PPM1G: variants seen among roughly 807,000 people sequenced by gnomAD.
PPM1G encodes protein phosphatase 1G.
PPM1G carries 12 observed loss-of-function variants against 59.4 expected under a neutral mutation model. The observed-to-expected ratio is 0.20, with a 90% CI of 0.13 to 0.33. PPM1G has a LOEUF of 0.33. Among genes scored for constraint, PPM1G ranks in the 10% least tolerant of loss-of-function variants. PPM1G has a pLI of 1.00. For missense variants in PPM1G, 392 were observed against 681.3 expected (o/e 0.58, Z 4.73); for synonymous variants, 245 against 251.9 (o/e 0.97, Z 0.26).
intron 1 of PPM1G, among the ~76,000 whole-genome samples, chr2:27,409,005 G>A (rs1017667654): frequency 4.6e-5 from 7 of 152,212 alleles, no homozygotes; most frequent in Non-Finnish European, 1.0e-4. Context: ...GAGCCTGGAG[G>A]GCTAGGTTGG....
intron 1 of PPM1G, among the ~76,000 whole-genome samples, chr2:27,402,849 T>TAAATA (rs1231363270): frequency 6.7e-5 from 7 of 104,752 alleles, no homozygotes; most frequent in East Asian, 4.3e-4. Flanking sequence ...AATAAATAAA[T>TAAATA]AAATAAAATA....
intron 1 of PPM1G, chr2:27,392,744 G>A: frequency 6.7e-6 from 8 of 1,193,124 alleles, no homozygotes; most frequent in South Asian, 4.8e-5. Context: ...TTGGTGACAA[G>A]GTAAGTCACC....
At chr2:27,386,467 A>G (rs552784431) in intron 2 of PPM1G, 188 bp from the exon 3 acceptor site, 115 of 455,238 alleles carry the variant, frequency 2.5e-4, no homozygotes, top group Non-Finnish European at 4.0e-4. Flanking sequence ...TTCACCATCA[A>G]TTCTCTCGGG....
rs1306134014 is a variant in PPM1G at position 27,384,431 on chromosome 2, G to C, written c.825+242C>G. Among the ~76,000 whole-genome samples the C allele has an allele frequency of 6.6e-6, 1 of 152,196 alleles. No homozygotes were observed. Among genetic ancestry groups the C allele is most frequent in the African/African-American group, 2.4e-5 (1 of 41,446 alleles). Reference sequence around the variant, plus strand: ...CTATCTCCTTGTTCTCTCTCTAGGAGACAGACTCTGAAAAGCCAGAACTAG... The same window carrying C: ...CTATCTCCTTGTTCTCTCTCTAGGACACAGACTCTGAAAAGCCAGAACTAG... On this transcript the variant is annotated intron_variant, in intron 5 of 9. Transcript: ENST00000344034. This position sits in a 1 kb window ranked among gnomAD's most constrained non-coding sequence, Gnocchi z 4.8.
intron 3 of PPM1G, 58 bp downstream of exon 3, chr2:27,386,136 C>T: frequency 6.7e-7 from 1 of 1,487,800 alleles, no homozygotes; most frequent in Non-Finnish European, 9.4e-7. Flanking sequence ...AGCCCAAGGG[C>T]TAGAGAACAA....
chr2:27,392,324 TCTCC>T (rs1683929018), intron 1 of PPM1G, among the ~76,000 whole-genome samples: 2 of 144,746 alleles, frequency 1.4e-5, no homozygotes, highest in Non-Finnish European at 3.0e-5. Context: ...AGAGAGAATG[TCTCC>T]CTGTCACCCA....
intron 1 of PPM1G, among the ~76,000 whole-genome samples, chr2:27,392,407 G>A (rs1276140548): frequency 6.7e-6 from 1 of 148,154 alleles, no homozygotes; most frequent in Non-Finnish European, 1.5e-5. Context: ...TGATTCTCAT[G>A]CCTCAGCCTC....
intron 2 of PPM1G, 23 bp downstream of exon 2, chr2:27,387,065 AC>A: frequency 6.4e-7 from 1 of 1,574,744 alleles, no homozygotes; most frequent in Non-Finnish European, 8.7e-7. Context: ...CTAGAATGTT[AC>A]CAATATGATC....
chr2:27,393,569 G>A (rs962625126), intron 1 of PPM1G, among the ~76,000 whole-genome samples: 2 of 152,134 alleles, frequency 1.3e-5, no homozygotes, highest in Non-Finnish European at 2.9e-5. Context: ...TCTCGGCGAA[G>A]AACGTCTCAA....
chr2:27,399,095 G>A (rs1448556218), intron 1 of PPM1G, among the ~76,000 whole-genome samples: 1 of 151,712 alleles, frequency 6.6e-6, no homozygotes, highest in Non-Finnish European at 1.5e-5. Flanking sequence ...AACCAAGATC[G>A]CGCCACTCCA....
intron 1 of PPM1G, among the ~76,000 whole-genome samples, chr2:27,409,042 G>A (rs1472361720): frequency 6.6e-6 from 1 of 152,236 alleles, no homozygotes; most frequent in African/African-American, 2.4e-5. Flanking sequence ...CAAAGCTCGG[G>A]GAGAGGGCGG....
At position 27,381,543 on chromosome 2, in the gene PPM1G, TCTCAGGTCCGGAGGG is replaced by T. The variant is rs1363123119; in HGVS notation, c.*41_*55del. 5.0e-6 allele frequency: 8 copies of T among 1,599,036 alleles called. No individual in the cohort carries two copies. The highest frequency in any genetic ancestry group is 6.0e-6 in the Non-Finnish European group (7 of 1,166,942). On this transcript the variant is annotated 3_prime_UTR_variant, in exon 10 of 10. Transcript: ENST00000344034. ...GCTAAAGGAAAAAGACAAAACTCAG[TCTCAGGTCCGGAGGG>T]CTCAGAAAACAGTCTAGGTGGGCAG...
chr2:27,386,992 G>T, intron 2 of PPM1G, 97 bp downstream of exon 2: 1 of 948,682 alleles, frequency 1.1e-6, no homozygotes, highest in Non-Finnish European at 1.7e-6. Context: ...ATGAGGGCCA[G>T]ACCCTGGAAA....
intron 1 of PPM1G, among the ~76,000 whole-genome samples, chr2:27,400,428 A>C (rs1031371212): frequency 6.6e-6 from 1 of 151,720 alleles, no homozygotes; most frequent in Non-Finnish European, 1.5e-5. Context: ...AAATTAAAAA[A>C]TTATGCTTAG....
In PPM1G at chr2:27,408,795, C is replaced by T. The variant is rs576466258; in HGVS notation, c.120+508G>A. ...TAACATGCAAGAGCCCAAGGCCAGG[C>T]AACCAAAATGTGAAACAGACTCTGC... On this transcript the variant is annotated intron_variant, in intron 1 of 9. Transcript: ENST00000344034. Among the ~76,000 whole-genome samples, 3 of 152,306 alleles carry T rather than the reference C, an allele frequency of 2.0e-5. No individual in the cohort carries two copies. In the South Asian group the frequency reaches 6.2e-4, roughly 32 times the overall value.
At chr2:27,400,469 T>C (rs1285851037) in intron 1 of PPM1G, among the ~76,000 whole-genome samples, 3 of 150,958 alleles carry the variant, frequency 2.0e-5, no homozygotes, top group Non-Finnish European at 4.4e-5. Flanking sequence ...CTGAAAAATA[T>C]CAGGCTGGGT....
chr2:27,392,854 G>A (rs1484530107), intron 1 of PPM1G: 4 of 1,470,006 alleles, frequency 2.7e-6, no homozygotes, highest in African/African-American at 1.4e-5. Context: ...AGATTCGGGC[G>A]CTCCCATCTC....
At chr2:27,396,182 C>G (rs1083864) in intron 1 of PPM1G, among the ~76,000 whole-genome samples, 82,413 of 151,714 alleles carry the variant, frequency 0.54, 24,987 homozygotes, top group African/African-American at 0.82. Flanking sequence ...CGAGGCAGGA[C>G]AATCACTTGA....
At chr2:27,392,415 C>G (rs1338676316) in intron 1 of PPM1G, among the ~76,000 whole-genome samples, 1 of 151,534 alleles carries the variant, frequency 6.6e-6, no homozygotes, top group Non-Finnish European at 1.5e-5. Context: ...ATGCCTCAGC[C>G]TCCCAAGTAG....
Sources: allele counts gnomAD v4.1 joint callset (sites outside exome capture counted in the v4.1 genomes callset), GRCh38; gene constraint gnomAD v4.1.1; non-coding constraint Gnocchi (gnomAD v3.1); transcripts MANE v1.5; gene names NCBI Gene and HGNC (gene_info 2026-07-23, HGNC 2026-07-21).